CELF2: variants seen among roughly 807,000 people sequenced by gnomAD.
CELF2 encodes the protein CUG triplet repeat RNA-binding protein 2.
Under a neutral mutation model 62.6 loss-of-function variants are expected in CELF2, and 8 were observed. The observed-to-expected ratio is 0.13, with a 90% CI of 0.07 to 0.23. The LOEUF (loss-of-function observed/expected upper bound fraction) is 0.23. Among genes scored for constraint, CELF2 ranks in the 10% least tolerant of loss-of-function variants. The pLI is 1.00. For missense variants in CELF2, 333 were observed against 671.0 expected (o/e 0.50, Z 5.56); for synonymous variants, 258 against 250.0 (o/e 1.03, Z -0.30).
chr10:10,597,025 C>T, the CELF2 span, among the ~76,000 whole-genome samples: 7 of 152,328 alleles, frequency 4.6e-5, no homozygotes, highest in Middle Eastern at 3.4e-3. Flanking sequence ...ACCAGAGTGA[C>T]ACATGAGCCT....
chr10:11,001,986 G>A (rs989697999), upstream of CELF2, among the ~76,000 whole-genome samples: 6 of 152,096 alleles, frequency 3.9e-5, no homozygotes, highest in African/African-American at 1.4e-4. Context: ...GTCAGAAACT[G>A]CTTAAGCAAT....
chr10:10,535,667 C>T, the CELF2 span, among the ~76,000 whole-genome samples: 2 of 152,014 alleles, frequency 1.3e-5, no homozygotes, highest in African/African-American at 2.4e-5. Context: ...TGCAGTGAGC[C>T]GAGATAGCGC....
In CELF2 at chr10:11,269,940, C is replaced by T. The variant is rs989478331; in HGVS notation, c.619-726C>T. Among the ~76,000 whole-genome samples the T allele has an allele frequency of 3.3e-5, 5 of 152,192 alleles. No individual in the cohort carries two copies. The highest frequency in any genetic ancestry group is 6.5e-5 in the Admixed American group (1 of 15,284). On this transcript the variant is annotated intron_variant, in intron 6 of 12. Transcript: ENST00000633077. The surrounding 1 kb of genome is among the most constrained non-coding windows in gnomAD (Gnocchi z 4.4). Reference sequence around the variant, plus strand: ...AGTGGACTCCTCCGTCTGCTGTTCACGGTCTATCTTCTTTGGCTAGAATGT... The same window carrying T: ...AGTGGACTCCTCCGTCTGCTGTTCATGGTCTATCTTCTTTGGCTAGAATGT...
chr10:10,705,841 A>G, the CELF2 span, among the ~76,000 whole-genome samples: 96 of 152,166 alleles, frequency 6.3e-4, 1 homozygote, highest in East Asian at 0.014. Context: ...AACAATTCTA[A>G]ATTATGCCAC....
At chr10:11,322,103 G>T (rs1353062201) in intron 11 of CELF2, among the ~76,000 whole-genome samples, 1 of 152,228 alleles carries the variant, frequency 6.6e-6, no homozygotes, top group East Asian at 1.9e-4. Context: ...ACTACTTGTT[G>T]GGGGAAGGGG....
chr10:10,602,824 G>C, the CELF2 span, among the ~76,000 whole-genome samples: 1 of 152,038 alleles, frequency 6.6e-6, no homozygotes, highest in Admixed American at 6.5e-5. Flanking sequence ...ACAGGAGCCG[G>C]TCTTCTGTTT....
At chr10:11,203,493 G>A (rs1366364528) in intron 2 of CELF2, among the ~76,000 whole-genome samples, 1 of 152,162 alleles carries the variant, frequency 6.6e-6, no homozygotes, top group Non-Finnish European at 1.5e-5. Context: ...GAGACATGGA[G>A]CGGTGAAGAA....
the CELF2 span, among the ~76,000 whole-genome samples, chr10:10,462,949 A>G: frequency 8.6e-4 from 131 of 152,158 alleles, 1 homozygote; most frequent in African/African-American, 3.1e-3. Flanking sequence ...ACTTCCTTCC[A>G]GGGATGTTAC....
chr10:10,607,216 T>C, the CELF2 span, among the ~76,000 whole-genome samples: 2 of 152,168 alleles, frequency 1.3e-5, no homozygotes, highest in Non-Finnish European at 2.9e-5. Context: ...AAATGAATAA[T>C]GTAACTGCTC....
the CELF2 span, among the ~76,000 whole-genome samples, chr10:10,478,751 C>T: frequency 6.6e-6 from 1 of 152,074 alleles, no homozygotes; most frequent in Non-Finnish European, 1.5e-5. Context: ...CTTTATTTGG[C>T]CCCAGACACT....
chr10:11,071,105 T>C (rs1434028926), intron 1 of CELF2, among the ~76,000 whole-genome samples: 1 of 152,260 alleles, frequency 6.6e-6, no homozygotes, highest in African/African-American at 2.4e-5. Context: ...GTTTATGTTT[T>C]ATTTATCGAG....
chr10:11,072,132 G>T (rs1254593521), intron 1 of CELF2, among the ~76,000 whole-genome samples: 1 of 152,162 alleles, frequency 6.6e-6, no homozygotes, highest in African/African-American at 2.4e-5. Context: ...TAGAGGTGAG[G>T]TCGAGCAACA....
chr10:10,915,730 C>T lies in CELF2; in HGVS notation c.54-4234C>T, dbSNP rs141928990. On this transcript the variant is annotated intron_variant, in intron 1 of 13. Coordinates refer to the CELF2 transcript ENST00000636488. ...GATTATAGGTGTAAGCCACGGCACC[C>T]GGCCCTTAGGGGAGTTTTCAGTAGT... is the stretch of plus-strand genomic sequence containing the variant. 1.1e-3 allele frequency among the ~76,000 whole-genome samples: 175 copies of T among 152,266 alleles called. 2 individuals carry two copies. The highest frequency in any genetic ancestry group is 4.0e-3 in the African/African-American group (165 of 41,562).
At position 11,318,793 on chromosome 10, in the gene CELF2, C is replaced by T. The variant is rs771695098; in HGVS notation, c.1097-2396C>T. On this transcript the variant is annotated intron_variant, in intron 10 of 12. Transcript: ENST00000633077. This position sits in a 1 kb window ranked among gnomAD's most constrained non-coding sequence, Gnocchi z 5.4. ...CTGTGTACAGAGAAGGGAGTTGGGTCCCAGTGACCACTGCCATAAAATGCC... is the reference window on the plus strand; with the variant it reads ...CTGTGTACAGAGAAGGGAGTTGGGTTCCAGTGACCACTGCCATAAAATGCC... 2.1e-6 allele frequency: 1 copy of T among 471,282 alleles called. No individual in the cohort carries two copies. 29.2% of individuals were successfully genotyped at this position (471,282 alleles called of 1,614,324 possible).
chr10:11,139,757 C>A (rs1023849177), intron 1 of CELF2, among the ~76,000 whole-genome samples: 2 of 152,086 alleles, frequency 1.3e-5, no homozygotes, highest in Non-Finnish European at 2.9e-5. Context: ...TATGCTTCTT[C>A]TAAATTTTAG....
intron 9 of CELF2, among the ~76,000 whole-genome samples, chr10:11,298,885 G>T (rs1390935826): frequency 6.6e-6 from 1 of 152,000 alleles, no homozygotes; most frequent in African/African-American, 2.4e-5. Flanking sequence ...CTAGAATAAG[G>T]TCCGATGATG....
chr10:11,083,160 C>A (rs987680408), intron 1 of CELF2, among the ~76,000 whole-genome samples: 5 of 152,186 alleles, frequency 3.3e-5, no homozygotes, highest in Non-Finnish European at 5.9e-5. Context: ...GGTGACCCTT[C>A]TGTTCATACC....
chr10:10,988,238 G>T (rs1440194003), intron 2 of CELF2, among the ~76,000 whole-genome samples: 7 of 149,682 alleles, frequency 4.7e-5, no homozygotes, highest in Admixed American at 2.0e-4. Context: ...GACATATATA[G>T]ATATATAGAT....
rs2095212427 is a variant in CELF2, at chr10:11,318,478, C to A, written c.1097-2711C>A. 1.5e-5 allele frequency: 5 copies of A among 340,538 alleles called. No individual in the cohort carries two copies. Among genetic ancestry groups the A allele is most frequent in the South Asian group, 1.1e-4 (5 of 44,018 alleles). 21.1% of individuals were successfully genotyped at this position (340,538 alleles called of 1,614,324 possible). On this transcript the variant is annotated intron_variant, in intron 10 of 12. Transcript: ENST00000633077. The surrounding 1 kb of genome is among the most constrained non-coding windows in gnomAD (Gnocchi z 5.4). ...TGGCCACAGCTGTCTCCTACATGCA[C>A]AGCACCAGCAGAAGTAAACACGACC...
Sources: gnomAD v4.1 joint callset for allele counts (sites outside exome capture counted in the v4.1 genomes callset) on GRCh38, gnomAD v4.1.1 for gene constraint, Gnocchi (gnomAD v3.1) non-coding constraint, MANE v1.5 for transcripts, NCBI Gene and HGNC (gene_info 2026-07-23, HGNC 2026-07-21) for gene names.